PLCL1: variants seen among roughly 807,000 people sequenced by gnomAD.
The protein encoded by PLCL1 is inactive phospholipase C-like protein 1.
PLCL1 carries 41 observed loss-of-function variants against 84.4 expected under a neutral mutation model. The ratio of observed to expected loss-of-function variants is 0.49; its 90% confidence interval spans 0.38 to 0.63. The LOEUF is 0.63. Among genes scored for constraint, PLCL1 ranks in the 30% least tolerant of loss-of-function variants. PLCL1 has a pLI of 0.00. For synonymous variants in PLCL1, 490 were observed against 488.3 expected (o/e 1.00, Z -0.05); for missense variants, 1,206 against 1,367.8 (o/e 0.88, Z 1.87).
chr2:197,925,974 A>AGCTTTCCT, intron 1 of PLCL1, among the ~76,000 whole-genome samples: 1 of 152,324 alleles, frequency 6.6e-6, no homozygotes, highest in South Asian at 2.1e-4. Context: ...TTTGAAGGTC[A>AGCTTTCCT]GCTTTCCTTC....
chr2:197,922,508 G>A (rs201342948), intron 1 of PLCL1, among the ~76,000 whole-genome samples: 10,310 of 95,180 alleles, frequency 0.11, 480 homozygotes, highest in East Asian at 0.26. Context: ...ATCCTGGCCC[G>A]TTCTCAATGA....
chr2:197,904,075 T>A (rs974056666), intron 1 of PLCL1, among the ~76,000 whole-genome samples: 1 of 152,202 alleles, frequency 6.6e-6, no homozygotes, highest in African/African-American at 2.4e-5. Flanking sequence ...AGTGCTGGGA[T>A]TACAGGCGTG....
At chr2:198,102,538 G>T (rs1467146248) in intron 4 of PLCL1, among the ~76,000 whole-genome samples, 1 of 152,018 alleles carries the variant, frequency 6.6e-6, no homozygotes, top group Admixed American at 6.6e-5. Flanking sequence ...CCTCATGTAG[G>T]CTTCTCCAAG....
intron 5 of PLCL1, among the ~76,000 whole-genome samples, chr2:198,118,261 C>A (rs185747082): frequency 1.3e-5 from 2 of 152,034 alleles, no homozygotes; most frequent in East Asian, 3.9e-4. Flanking sequence ...GTTTTATCAA[C>A]CATACTAAAT....
In PLCL1 at chr2:197,837,428, G is replaced by A. The variant is rs187003944; in HGVS notation, c.240+32089G>A. On this transcript the variant is annotated intron_variant, in intron 1 of 5. Transcript: ENST00000428675. ...TTCTGTGGTCTCTGTCTGCTTAGCC[G>A]TTTTCTTGAAATCAGTGGCTTCTTA... Among the ~76,000 whole-genome samples, 663 of 152,268 alleles carry A rather than the reference G, an allele frequency of 4.4e-3. 5 individuals carry two copies. The highest frequency in any genetic ancestry group is 0.015 in the African/African-American group (630 of 41,550).
At chr2:197,993,819 C>G (rs1266283411) in intron 1 of PLCL1, among the ~76,000 whole-genome samples, 1 of 152,172 alleles carries the variant, frequency 6.6e-6, no homozygotes, top group African/African-American at 2.4e-5. Context: ...TAATTTCCAT[C>G]AAGGTCAGTC....
chr2:198,055,002 A>G (rs986142412), intron 1 of PLCL1, among the ~76,000 whole-genome samples: 1 of 152,150 alleles, frequency 6.6e-6, no homozygotes, highest in African/African-American at 2.4e-5. Flanking sequence ...GAAGGTGCAC[A>G]TTATATGGCA....
intron 1 of PLCL1, among the ~76,000 whole-genome samples, chr2:198,072,153 T>C (rs183392627): frequency 1.5e-4 from 23 of 152,056 alleles, no homozygotes; most frequent in Non-Finnish European, 2.7e-4. Context: ...CTTTTAACTT[T>C]AAGTGAAATA....
chr2:198,047,172 TG>T (rs1691825318), intron 1 of PLCL1, among the ~76,000 whole-genome samples: 2 of 48,048 alleles, frequency 4.2e-5, no homozygotes, highest in Non-Finnish European at 1.2e-4. Context: ...TGTATGTGTG[TG>T]TGTGTGTGTG....
At chr2:197,824,465 A>G (rs696816) in intron 1 of PLCL1, among the ~76,000 whole-genome samples, 151,334 of 152,088 alleles carry the variant, frequency 1, 75,293 homozygotes, top group Middle Eastern at 1. Flanking sequence ...TGTAATCCAA[A>G]CACTTTGGGG....
intron 1 of PLCL1, among the ~76,000 whole-genome samples, chr2:197,918,971 T>TCTCTCTCTCTCTCTCACACA (rs373512508): frequency 2.1e-5 from 3 of 144,550 alleles, no homozygotes; most frequent in Admixed American, 7.0e-5. Context: ...TCTCTCTCCC[T>TCTCTCTCTCTCTCTCACACA]CACACACACA....
chr2:197,964,251 C>A (rs1452858034), intron 1 of PLCL1, among the ~76,000 whole-genome samples: 2 of 151,832 alleles, frequency 1.3e-5, no homozygotes, highest in Non-Finnish European at 2.9e-5. Context: ...TCTTTGAGTT[C>A]TTTGTGTCCT....
At chr2:198,078,003 G>T (rs1485654462) in intron 1 of PLCL1, among the ~76,000 whole-genome samples, 1 of 151,878 alleles carries the variant, frequency 6.6e-6, no homozygotes, top group Non-Finnish European at 1.5e-5. Flanking sequence ...TTTTTATTAG[G>T]ATACCTTCCT....
chr2:198,002,536 T>C (rs1282414588), intron 1 of PLCL1, among the ~76,000 whole-genome samples: 1 of 152,266 alleles, frequency 6.6e-6, no homozygotes, highest in South Asian at 2.1e-4. Context: ...ACTGGGTTTA[T>C]GTTTTTCTCT....
chr2:198,087,640 T>C (rs1431634301), intron 2 of PLCL1, among the ~76,000 whole-genome samples: 1 of 139,714 alleles, frequency 7.2e-6, no homozygotes, highest in East Asian at 2.0e-4. Context: ...AGGGTGACTA[T>C]AGTTAATAAT....
chr2:197,897,323 T>A (rs890462817), intron 1 of PLCL1, among the ~76,000 whole-genome samples: 1 of 152,078 alleles, frequency 6.6e-6, no homozygotes. Flanking sequence ...ATTTGCAGAT[T>A]AATATGTAAG....
In PLCL1 at chr2:198,084,297, G is replaced by A; in HGVS notation, c.780G>A (p.Leu260=). ...ATGTTGATGGGAATGGGATTATGTT[G>A]GAAGACACCTCTGTAGAGTTAATAA... ...AADVDGNGIM[L]EDTSVELIKQ... The change falls in exon 2 of 6, where the codon TTG becomes TTA. Residue 260 remains leucine (L), a synonymous_variant. Coordinates refer to ENST00000428675, the MANE Select transcript of PLCL1 (RefSeq NM_006226.4). 1 of 1,614,048 alleles carries A rather than the reference G, an allele frequency of 6.2e-7. No homozygotes were observed. Among genetic ancestry groups the A allele is most frequent in the Non-Finnish European group, 8.5e-7 (1 of 1,179,958 alleles).
intron 1 of PLCL1, among the ~76,000 whole-genome samples, chr2:198,017,831 A>G (rs1255944044): frequency 6.6e-6 from 1 of 152,244 alleles, no homozygotes; most frequent in Non-Finnish European, 1.5e-5. Context: ...TTCATTCAAC[A>G]GTAGACATTT....
At chr2:197,870,844 G>C (rs1338724616) in intron 1 of PLCL1, among the ~76,000 whole-genome samples, 1 of 152,022 alleles carries the variant, frequency 6.6e-6, no homozygotes, top group African/African-American at 2.4e-5. Context: ...CCTTAGAGCT[G>C]AGATTCTTAC....
Sources: gnomAD v4.1 joint callset for allele counts (sites outside exome capture counted in the v4.1 genomes callset) on GRCh38, gnomAD v4.1.1 for gene constraint, MANE v1.5 for transcripts, NCBI Gene and HGNC (gene_info 2026-07-23, HGNC 2026-07-21) for gene names.